The following PDE4D variants were observed in gnomAD, a reference collection of about 807,000 sequenced individuals.
The protein encoded by PDE4D is 3',5'-cyclic-AMP phosphodiesterase 4D.
In PDE4D, 24 loss-of-function variants were observed where a neutral mutation model predicts 87.4. That is an observed-to-expected ratio of 0.27 (90% CI 0.20 to 0.39). The LOEUF (loss-of-function observed/expected upper bound fraction) is 0.39, where lower values mean the gene tolerates loss of function less well. PDE4D is among the 10% of genes least tolerant of loss of function. PDE4D has a pLI of 1.00. For missense variants in PDE4D, 714 were observed against 1,041.0 expected (o/e 0.69, Z 4.32); for synonymous variants, 384 against 383.2 (o/e 1.00, Z -0.02).
intron 2 of PDE4D, among the ~76,000 whole-genome samples, chr5:60,104,759 G>C (rs1317039345): frequency 6.6e-6 from 1 of 152,196 alleles, no homozygotes; most frequent in Non-Finnish European, 1.5e-5. Flanking sequence ...ACAGGGTCTG[G>C]AGTGGACCTC....
rs187044879 is a variant in PDE4D at position 60,044,509 on chromosome 5, C to A, written c.43-55792G>T. Among the ~76,000 whole-genome samples the A allele has an allele frequency of 1.8e-4, 27 of 151,720 alleles. 1 individual carries two copies. Among genetic ancestry groups the A allele is most frequent in the Admixed American group, 1.7e-3 (26 of 15,240 alleles). The stretch of plus-strand genomic sequence containing the variant: ...AGCTATATCTCCCATTGCTATCCCT[C>A]CCCCCTACCCCCACCCCACAATAGT... On this transcript the variant is annotated intron_variant, in intron 2 of 16. Coordinates refer to the PDE4D transcript ENST00000502484.
At chr5:59,065,126 A>G (rs1046857263) in intron 5 of PDE4D, among the ~76,000 whole-genome samples, 2 of 148,838 alleles carry the variant, frequency 1.3e-5, no homozygotes, top group Admixed American at 6.7e-5. Context: ...ACACACACAT[A>G]TACAATGAAA....
At chr5:59,703,590 G>A in intron 1 of PDE4D, 1 of 534,468 alleles carries the variant, frequency 1.9e-6, no homozygotes, top group Admixed American at 1.9e-5. Context: ...TTTGTCCCCA[G>A]CCGACTTCAC....
intron 1 of PDE4D, among the ~76,000 whole-genome samples, chr5:60,435,836 TAGGACA>T (rs1744717113): frequency 6.6e-6 from 1 of 152,070 alleles, no homozygotes; most frequent in Middle Eastern, 3.2e-3. Context: ...GAGAATCATT[TAGGACA>T]AGTTGAGTGT....
At chr5:59,431,241 G>T (rs1170646522) in intron 1 of PDE4D, among the ~76,000 whole-genome samples, 2 of 152,066 alleles carry the variant, frequency 1.3e-5, no homozygotes, top group Admixed American at 6.6e-5. Flanking sequence ...ATAAGTTGGA[G>T]AAATTAGAAA....
chr5:59,251,946 T>C (rs1309696984), intron 1 of PDE4D, among the ~76,000 whole-genome samples: 2 of 152,138 alleles, frequency 1.3e-5, no homozygotes, highest in African/African-American at 2.4e-5. Context: ...CTGCATGTTC[T>C]CACTTATAAG....
chr5:59,061,381 C>T (rs891866824), intron 5 of PDE4D, among the ~76,000 whole-genome samples: 1 of 152,114 alleles, frequency 6.6e-6, no homozygotes, highest in Non-Finnish European at 1.5e-5. Flanking sequence ...CCATGACTAT[C>T]TTATTTATTA....
In PDE4D at chr5:60,181,072, A is replaced by G. The variant is rs375144825; in HGVS notation, c.42+4485T>C. On this transcript the variant is annotated intron_variant, in intron 2 of 16. Coordinates refer to the PDE4D transcript ENST00000502484. ...ACAGGGTAATTGTGAGGAAAAATGAATGCAGATAGCTCTGAAGTGCCATAA... is the reference window on the plus strand; with the variant it reads ...ACAGGGTAATTGTGAGGAAAAATGAGTGCAGATAGCTCTGAAGTGCCATAA... Among the ~76,000 whole-genome samples, 75 of 152,266 alleles carry G rather than the reference A, an allele frequency of 4.9e-4. 1 individual carries two copies. Among genetic ancestry groups the G allele is most frequent in the African/African-American group, 1.5e-3 (64 of 41,568 alleles).
chr5:60,397,422 A>G (rs184920982), intron 1 of PDE4D, among the ~76,000 whole-genome samples: 2 of 152,366 alleles, frequency 1.3e-5, no homozygotes, highest in East Asian at 3.9e-4. Context: ...GGTAAATAAA[A>G]TATGGTATAT....
chr5:59,530,493 C>T (rs1241247640), intron 1 of PDE4D, among the ~76,000 whole-genome samples: 1 of 151,970 alleles, frequency 6.6e-6, no homozygotes, highest in Non-Finnish European at 1.5e-5. Flanking sequence ...TAAAGCATCT[C>T]CAGATTACTT....
At chr5:60,501,047 T>C (rs1750048431) in intron 1 of PDE4D, among the ~76,000 whole-genome samples, 1 of 152,068 alleles carries the variant, frequency 6.6e-6, no homozygotes, top group South Asian at 2.1e-4. Flanking sequence ...ATGTGCACAA[T>C]GTGCAGGTTA....
At chr5:59,205,853 T>A (rs1360249700) in intron 2 of PDE4D, among the ~76,000 whole-genome samples, 1 of 152,102 alleles carries the variant, frequency 6.6e-6, no homozygotes, top group African/African-American at 2.4e-5. Context: ...AGTTAAAAAA[T>A]TTTGGACTTG....
At chr5:60,441,219 C>T (rs574292168) in intron 1 of PDE4D, among the ~76,000 whole-genome samples, 13 of 152,152 alleles carry the variant, frequency 8.5e-5, no homozygotes, top group South Asian at 4.1e-4. Context: ...CAAAATAGCA[C>T]GGTACTGGCA....
chr5:59,386,767 C>T lies in PDE4D; in HGVS notation c.456-170799G>A, dbSNP rs1582301772. Among the ~76,000 whole-genome samples, 7 of 152,040 alleles carry T rather than the reference C, an allele frequency of 4.6e-5. No individual in the cohort carries two copies. In the South Asian group the frequency reaches 1.5e-3, roughly 32 times the overall value. On this transcript the variant is annotated intron_variant, in intron 1 of 14. Transcript: ENST00000340635. Reference sequence around the variant, plus strand: ...AAGAAATATGCCATGGGAATTGCTGCACAAAGCATCTTAATCTAAGTTTTA... The same window carrying T: ...AAGAAATATGCCATGGGAATTGCTGTACAAAGCATCTTAATCTAAGTTTTA...
chr5:59,426,995 CTATA>C (rs1256412361), intron 1 of PDE4D, among the ~76,000 whole-genome samples: 11 of 123,858 alleles, frequency 8.9e-5, no homozygotes, highest in Non-Finnish European at 1.1e-4. Flanking sequence ...CAACTTGAAG[CTATA>C]CACACACACA....
intron 2 of PDE4D, among the ~76,000 whole-genome samples, chr5:59,993,170 G>A (rs762413550): frequency 1.3e-4 from 20 of 152,030 alleles, no homozygotes; most frequent in Non-Finnish European, 2.5e-4. Flanking sequence ...TCAGACTCCC[G>A]GGTCTTATTC....
intron 1 of PDE4D, among the ~76,000 whole-genome samples, chr5:60,211,478 T>C (rs1343688053): frequency 6.7e-6 from 1 of 149,644 alleles, no homozygotes; most frequent in Non-Finnish European, 1.5e-5. Flanking sequence ...GGAATATATA[T>C]ATGTATATAC....
intron 1 of PDE4D, among the ~76,000 whole-genome samples, chr5:59,471,301 C>T (rs189399574): frequency 8.9e-4 from 135 of 152,164 alleles, no homozygotes; most frequent in Non-Finnish European, 1.3e-3. Context: ...TGCAGGTGAG[C>T]CTGTATTGCC....
intron 1 of PDE4D, among the ~76,000 whole-genome samples, chr5:59,373,022 A>C (rs1278721354): frequency 6.6e-6 from 1 of 151,908 alleles, no homozygotes; most frequent in Non-Finnish European, 1.5e-5. Flanking sequence ...GAAAAAAAAA[A>C]CATTCAAATG....
Sources: gnomAD v4.1 joint callset for allele counts (sites outside exome capture counted in the v4.1 genomes callset) on GRCh38, gnomAD v4.1.1 for gene constraint, MANE v1.5 for transcripts, NCBI Gene and HGNC (gene_info 2026-07-23, HGNC 2026-07-21) for gene names.